Variants in TNS3 observed in about 807,000 individuals in gnomAD.
The protein encoded by TNS3 is tensin 3, also known as tensin-3.
TNS3 carries 45 observed loss-of-function variants against 140.9 expected under a neutral mutation model. That is an observed-to-expected ratio of 0.32 (90% CI 0.25 to 0.41). The LOEUF is 0.41. TNS3 is among the 10% of genes least tolerant of loss of function. TNS3 has a pLI of 1.00. For missense variants in TNS3, 1,716 were observed against 1,906.7 expected, an observed-to-expected ratio of 0.90 and a Z score of 1.86; for synonymous variants, 815 against 788.4, an observed-to-expected ratio of 1.03 and a Z score of -0.56.
intron 4 of TNS3, among the ~76,000 whole-genome samples, chr7:47,477,388 C>T (rs541224506): frequency 2.6e-5 from 4 of 152,228 alleles, no homozygotes; most frequent in Middle Eastern, 3.4e-3. Flanking sequence ...GGTACAAGTG[C>T]CAGGTAAACT....
chr7:47,394,475 C>T lies in TNS3; in HGVS notation c.1024+2325G>A, dbSNP rs894092383. ...AGCCTCTCAAAGTAGGAGAAATACA[C>T]GCTTGTTGTTTAAGACACCCAGGTT... is the stretch of plus-strand genomic sequence containing the variant. On this transcript the variant is annotated intron_variant, in intron 16 of 30. Transcript: ENST00000311160. 7.9e-5 allele frequency among the ~76,000 whole-genome samples: 12 copies of T among 152,354 alleles called. No individual in the cohort carries two copies. In the East Asian group the frequency reaches 2.1e-3, roughly 27 times the overall value.
intron 1 of TNS3, among the ~76,000 whole-genome samples, chr7:47,562,843 G>A (rs1800344747): frequency 6.6e-6 from 1 of 152,178 alleles, no homozygotes; most frequent in African/African-American, 2.4e-5. Flanking sequence ...CTGTGCATGG[G>A]AAAAAGACTT....
chr7:47,437,404 C>T (rs1438238703), intron 6 of TNS3, 91 bp from the exon 7 acceptor site: 4 of 508,334 alleles, frequency 7.9e-6, no homozygotes, highest in Non-Finnish European at 1.2e-5. Context: ...TTAATTAATA[C>T]TAATTTTTTA....
At position 47,291,411 on chromosome 7, in the gene TNS3, A is replaced by G. The variant is rs74692860; in HGVS notation, c.3928+544T>C. 1.4e-3 allele frequency among the ~76,000 whole-genome samples: 214 copies of G among 152,292 alleles called. 3 individuals carry two copies. The East Asian group carries it at 0.031, about 22-fold the overall frequency. ...CATCACTTTGCTGGGGGATGTTGACAGCGGGGAGGCTATGCGTGTATATGG... is the reference window on the plus strand; with the variant it reads ...CATCACTTTGCTGGGGGATGTTGACGGCGGGGAGGCTATGCGTGTATATGG... On this transcript the variant is annotated intron_variant, in intron 27 of 30. Coordinates refer to ENST00000311160, the MANE Select transcript of TNS3 (RefSeq NM_022748.12).
chr7:47,522,641 T>C lies in TNS3; in HGVS notation c.-153+6395A>G, dbSNP rs542931615. On this transcript the variant is annotated intron_variant, in intron 2 of 30. Transcript: ENST00000311160. The stretch of plus-strand genomic sequence containing the variant: ...AATCCTGTATGTTTTTTATAAAGAG[T>C]TTCTAGGCCGGGCACGGTGGCTCAC... Among the ~76,000 whole-genome samples, 46 of 151,904 alleles carry C rather than the reference T, an allele frequency of 3.0e-4. 1 individual carries two copies. The highest frequency in any genetic ancestry group is 3.4e-3 in the Middle Eastern group (1 of 294).
At chr7:47,400,356 C>CA in intron 15 of TNS3, 37 bp downstream of exon 15, 2 of 1,592,316 alleles carry the variant, frequency 1.3e-6, no homozygotes, top group Non-Finnish European at 1.7e-6. Context: ...TCACCAGTGT[C>CA]AGCAAGGACC....
intron 20 of TNS3, among the ~76,000 whole-genome samples, chr7:47,334,492 T>C (rs1187791753): frequency 6.6e-6 from 1 of 152,176 alleles, no homozygotes; most frequent in Non-Finnish European, 1.5e-5. Context: ...TCCGTAAATC[T>C]ACTGAATGCT....
Position 47,368,553 on chromosome 7 carries a change from G to T in TNS3, c.2093C>A (p.Ser698Tyr). 1 of 1,575,574 alleles carries T rather than the reference G, an allele frequency of 6.3e-7. No individual in the cohort carries two copies. Among genetic ancestry groups the T allele is most frequent in the South Asian group, 1.2e-5 (1 of 85,586 alleles). The part of the protein sequence containing the change: ...PGSPTLDIDQ[S>Y]IEQLNRLILE... ...GATCAGCCTGTTGAGCTGCTCGATG[G>T]ACTGGTCGATGTCCAGGGTGGGCGA... is the stretch of plus-strand genomic sequence containing the variant. Residue 698 changes from serine to tyrosine, a missense_variant, in exon 17 of 31, where the codon TCC becomes TAC. Transcript: ENST00000311160.
chr7:47,546,356 G>C (rs550302053), intron 1 of TNS3, among the ~76,000 whole-genome samples: 1 of 152,238 alleles, frequency 6.6e-6, no homozygotes, highest in Non-Finnish European at 1.5e-5. Flanking sequence ...TGCTGTTCCG[G>C]AGCTGGACTG....
At chr7:47,379,561 C>T (rs929530552) in intron 16 of TNS3, among the ~76,000 whole-genome samples, 2 of 151,858 alleles carry the variant, frequency 1.3e-5, no homozygotes, top group African/African-American at 4.9e-5. Context: ...TATTTCAAGA[C>T]GCGATGAAAT....
chr7:47,452,688 G>A (rs1349963634), intron 4 of TNS3, among the ~76,000 whole-genome samples: 1 of 152,226 alleles, frequency 6.6e-6, no homozygotes, highest in Non-Finnish European at 1.5e-5. Flanking sequence ...GAAGTCGGAA[G>A]CTCCCCTTTG....
chr7:47,360,257 G>C (rs1361666827), intron 17 of TNS3, among the ~76,000 whole-genome samples: 1 of 152,142 alleles, frequency 6.6e-6, no homozygotes, highest in East Asian at 1.9e-4. Context: ...TCATACCCAC[G>C]GCCCTAAAGC....
At chr7:47,535,119 C>A (rs1373903331) in intron 1 of TNS3, among the ~76,000 whole-genome samples, 1 of 152,252 alleles carries the variant, frequency 6.6e-6, no homozygotes, top group Non-Finnish European at 1.5e-5. Context: ...GGACACCAGG[C>A]TCTTTCCCCT....
Position 47,290,381 on chromosome 7 carries a change from A to G in TNS3, c.3928+1574T>C, listed in dbSNP as rs528790203. Among the ~76,000 whole-genome samples the G allele has an allele frequency of 2.0e-5, 3 of 152,350 alleles. No homozygotes were observed. The East Asian group carries it at 5.8e-4, about 29-fold the overall frequency. Reference sequence around the variant, plus strand: ...ATAAGCTGGATTTTATTAAAATTAAAAACTTCTGCTCTGTAGAAGAATGAA... The same window carrying G: ...ATAAGCTGGATTTTATTAAAATTAAGAACTTCTGCTCTGTAGAAGAATGAA... On this transcript the variant is annotated intron_variant, in intron 27 of 30. Transcript: ENST00000311160.
intron 4 of TNS3, among the ~76,000 whole-genome samples, chr7:47,478,698 C>T (rs1414681573): frequency 6.6e-6 from 1 of 151,824 alleles, no homozygotes; most frequent in Non-Finnish European, 1.5e-5. Context: ...ACCTAATATA[C>T]ATATATATTC....
intron 8 of TNS3, among the ~76,000 whole-genome samples, chr7:47,432,154 T>A (rs1794957977): frequency 6.6e-6 from 1 of 152,186 alleles, no homozygotes; most frequent in African/African-American, 2.4e-5. Context: ...TGAAATTTAA[T>A]CTCCAATGTG....
chr7:47,305,171 C>T lies in TNS3; in HGVS notation c.2651-168G>A, dbSNP rs375384881. ...ACTACCCGTAATAGGCTGGAGGAGG[C>T]GGCCAGCCCTGCACCCACAAGCATG... On this transcript the variant is annotated intron_variant, in intron 20 of 30. Coordinates refer to ENST00000311160, the MANE Select transcript of TNS3 (RefSeq NM_022748.12). Among the ~76,000 whole-genome samples, 8 of 152,326 alleles carry T rather than the reference C, an allele frequency of 5.3e-5. No homozygotes were observed. The East Asian group carries it at 9.6e-4, about 18-fold the overall frequency.
At chr7:47,477,771 G>A (rs1797249275) in intron 4 of TNS3, among the ~76,000 whole-genome samples, 1 of 152,180 alleles carries the variant, frequency 6.6e-6, no homozygotes, top group South Asian at 2.1e-4. Context: ...AGCCCAGACA[G>A]GATCAGGAAA....
At chr7:47,539,155 A>C (rs1199946572) in intron 1 of TNS3, 1 of 456,276 alleles carries the variant, frequency 2.2e-6, no homozygotes, top group African/African-American at 2.0e-5. Flanking sequence ...AACTCCTCCA[A>C]CCTGAGTACC....
Sources: allele counts gnomAD v4.1 joint callset (sites outside exome capture counted in the v4.1 genomes callset), GRCh38; gene constraint gnomAD v4.1.1; transcripts MANE v1.5; gene names NCBI Gene and HGNC (gene_info 2026-07-23, HGNC 2026-07-21).